KIAA1586: variants seen among roughly 807,000 people sequenced by gnomAD.
The protein encoded by KIAA1586 is E3 SUMO-protein ligase KIAA1586.
In KIAA1586, 5 loss-of-function variants were observed where a neutral mutation model predicts 6.1. The observed-to-expected ratio is 0.82, with a 90% CI of 0.43 to 1.73. The LOEUF is 1.73. KIAA1586 is among the 40% of genes most tolerant of loss of function. KIAA1586 has a pLI of 0.02. For synonymous variants in KIAA1586, 280 were observed against 301.7 expected (o/e 0.93, Z 0.75); for missense variants, 899 against 878.2 (o/e 1.02, Z -0.30).
chr6:57,056,525 T>C (rs548628560), downstream of KIAA1586, among the ~76,000 whole-genome samples: 24 of 151,576 alleles, frequency 1.6e-4, 1 homozygote, highest in South Asian at 5.0e-3. Flanking sequence ...CTGAGATTCT[T>C]GCATGAAAGA....
chr6:57,061,184 G>A, the KIAA1586 span, among the ~76,000 whole-genome samples: 1 of 148,170 alleles, frequency 6.7e-6, no homozygotes, highest in South Asian at 2.2e-4. Flanking sequence ...CACCATGTTG[G>A]CCAGGCTGGT....
At chr6:57,056,215 A>AT (rs958004294), downstream of KIAA1586, among the ~76,000 whole-genome samples, 60 of 140,498 alleles carry the variant, frequency 4.3e-4, no homozygotes, top group Non-Finnish European at 5.6e-4. Context: ...CGCCTGCCTA[A>AT]TTTTTTTTTT....
chr6:57,046,750 G>C lies in KIAA1586; in HGVS notation c.-6G>C. 1.9e-6 allele frequency: 3 copies of C among 1,612,656 alleles called. No homozygotes were observed. The highest frequency in any genetic ancestry group is 2.5e-6 in the Non-Finnish European group (3 of 1,179,494). ...CAGTGGTGCTGTCAGCGCGGCCGTC[G>C]GAGACATGGGAGACCCGGGGTCGGA... On this transcript the variant is annotated 5_prime_UTR_variant, in exon 1 of 4. Coordinates refer to ENST00000370733, the MANE Select transcript of KIAA1586 (RefSeq NM_020931.4).
downstream of KIAA1586, among the ~76,000 whole-genome samples, chr6:57,057,873 G>A (rs1828520542): frequency 6.6e-6 from 1 of 152,090 alleles, no homozygotes; most frequent in Admixed American, 6.5e-5. Context: ...ATGGCTTACT[G>A]CAACCTCTGT....
the KIAA1586 span, among the ~76,000 whole-genome samples, chr6:57,064,742 C>T: frequency 6.6e-6 from 1 of 152,120 alleles, no homozygotes; most frequent in African/African-American, 2.4e-5. Flanking sequence ...ACCACTGATT[C>T]TGGCAGATGT....
intron 2 of KIAA1586, among the ~76,000 whole-genome samples, chr6:57,049,277 A>G (rs1266151551): frequency 4.6e-5 from 7 of 152,280 alleles, no homozygotes; most frequent in Admixed American, 2.0e-4. Flanking sequence ...CCCATCCTAT[A>G]CTGGGCTCTA....
chr6:57,049,203 A>G (rs114144512), intron 2 of KIAA1586, among the ~76,000 whole-genome samples: 435 of 152,322 alleles, frequency 2.9e-3, no homozygotes, highest in African/African-American at 1.0e-2. Flanking sequence ...GTGGTGCCAC[A>G]TAAAAGACAA....
At chr6:57,051,029 A>C (rs1274656635) in intron 3 of KIAA1586, among the ~76,000 whole-genome samples, 175 bp downstream of exon 3, 1 of 151,814 alleles carries the variant, frequency 6.6e-6, no homozygotes, top group East Asian at 1.9e-4. Flanking sequence ...CAGGAGTTCG[A>C]GACCAGCCTG....
the KIAA1586 span, among the ~76,000 whole-genome samples, chr6:57,060,802 GATTT>G: frequency 6.6e-6 from 1 of 152,026 alleles, no homozygotes; most frequent in East Asian, 1.9e-4. Context: ...CTGAAAATGT[GATTT>G]ATTTATTTAT....
Position 57,053,282 on chromosome 6 carries a change from A to G in KIAA1586, c.783A>G (p.Arg261=). 6.2e-7 allele frequency: 1 copy of G among 1,609,712 alleles called. No individual in the cohort carries two copies. Among genetic ancestry groups the G allele is most frequent in the South Asian group, 1.1e-5 (1 of 90,326 alleles). The change falls in exon 4 of 4, where the codon AGA becomes AGG. Residue 261 remains arginine (R), a synonymous_variant. Coordinates refer to ENST00000370733, the MANE Select transcript of KIAA1586 (RefSeq NM_020931.4). The stretch of plus-strand genomic sequence containing the variant: ...TTTACAGTTTAGTAAAACATAACAG[A>G]CCTTTATCTGATATTGAGGGGGCAA... ...NTVYSLVKHN[R]PLSDIEGARE... is the part of the protein sequence containing the mutation.
In KIAA1586 at chr6:57,053,138, TA is replaced by T; in HGVS notation, c.642del (p.Ala215ProfsTer9). On this transcript the variant is annotated frameshift_variant, in exon 4 of 4. Transcript: ENST00000370733. LOFTEE classifies it low-confidence loss of function (END_TRUNC). ...RKKIREHDVS[K>X]AHGKIQDLLK... Reference sequence around the variant, plus strand: ...AAAAAATTAGGGAACATGATGTTTCTAAAGCCCATGGTAAAATTCAGGATTT... The same window carrying T: ...AAAAAATTAGGGAACATGATGTTTCTAAGCCCATGGTAAAATTCAGGATTT... 1 of 1,611,480 alleles carries T rather than the reference TA, an allele frequency of 6.2e-7. No individual in the cohort carries two copies. Among genetic ancestry groups the T allele is most frequent in the Non-Finnish European group, 8.5e-7 (1 of 1,179,322 alleles).
chr6:57,064,213 T>A, the KIAA1586 span, among the ~76,000 whole-genome samples: 1 of 152,180 alleles, frequency 6.6e-6, no homozygotes, highest in African/African-American at 2.4e-5. Flanking sequence ...ATGAGAAAAA[T>A]TTAAGTTGTA....
the KIAA1586 span, among the ~76,000 whole-genome samples, chr6:57,063,152 T>C: frequency 6.6e-6 from 1 of 152,200 alleles, no homozygotes; most frequent in Non-Finnish European, 1.5e-5. Flanking sequence ...TTAAGTTTCA[T>C]AGTTATTCTG....
intron 2 of KIAA1586, among the ~76,000 whole-genome samples, chr6:57,048,607 G>A (rs187094753): frequency 1.3e-5 from 2 of 152,264 alleles, no homozygotes; most frequent in Admixed American, 1.3e-4. Flanking sequence ...AAGAGCAATG[G>A]TTTCTGTTTT....
chr6:57,054,382 T>G lies in KIAA1586; in HGVS notation c.1883T>G (p.Phe628Cys). ...TCTGACAGAAACCATGAAGATATTT[T>G]TAATTACTTTGATTTGCTGGAACCT... The part of the protein sequence containing the change: ...LLSDRNHEDI[F>C]NYFDLLEPST... The change falls in exon 4 of 4, where the codon TTT becomes TGT. Residue 628 changes from phenylalanine (F) to cysteine (C), a missense_variant. Transcript: ENST00000370733. The G allele has an allele frequency of 1.2e-6, 2 of 1,609,060 alleles. No homozygotes were observed. The highest frequency in any genetic ancestry group is 1.7e-6 in the Non-Finnish European group (2 of 1,178,324).
chr6:57,052,853 A>G lies in KIAA1586; in HGVS notation c.354A>G (p.Glu118=), dbSNP rs767350781. The change falls in exon 4 of 4, where the codon GAA becomes GAG. Residue 118 remains glutamate, a synonymous_variant. Transcript: ENST00000370733. ...ATATTGAACAACCAATCATTGAAGA[A>G]AAGCCATCACTTTCATCAAAGAAAG... The part of the protein sequence containing the change: ...FEYIEQPIIE[E]KPSLSSKKEI... 1 of 1,613,224 alleles carries G rather than the reference A, an allele frequency of 6.2e-7. No individual in the cohort carries two copies. Among genetic ancestry groups the G allele is most frequent in the African/African-American group, 1.3e-5 (1 of 74,878 alleles).
chr6:57,051,765 C>T (rs1310006301), intron 3 of KIAA1586, among the ~76,000 whole-genome samples: 1 of 152,178 alleles, frequency 6.6e-6, no homozygotes, highest in Non-Finnish European at 1.5e-5. Context: ...GAAACCTCAT[C>T]TCTACCAAAG....
downstream of KIAA1586, among the ~76,000 whole-genome samples, chr6:57,055,407 A>G: frequency 6.6e-6 from 1 of 151,980 alleles, no homozygotes; most frequent in East Asian, 1.9e-4. Context: ...TTTTTCAGTA[A>G]TACATTTTAC....
chr6:57,051,863 A>G (rs115190703), intron 3 of KIAA1586, among the ~76,000 whole-genome samples: 3,147 of 152,244 alleles, frequency 0.021, 130 homozygotes, highest in African/African-American at 0.071. Context: ...AATTTCAGCT[A>G]CTTGGGAGGC....
Sources: allele counts gnomAD v4.1 joint callset (sites outside exome capture counted in the v4.1 genomes callset), GRCh38; gene constraint gnomAD v4.1.1; transcripts MANE v1.5; gene names NCBI Gene and HGNC (gene_info 2026-07-23, HGNC 2026-07-21).